The following PCDHGB7 variants were observed in gnomAD, a reference collection of about 807,000 sequenced individuals.
The protein encoded by PCDHGB7 is protocadherin gamma-B7.
A neutral mutation model predicts 61.4 loss-of-function variants in PCDHGB7; 37 were observed. The ratio of observed to expected loss-of-function variants is 0.60; its 90% CI spans 0.46 to 0.79. PCDHGB7 has a LOEUF of 0.79. Ranked by LOEUF, PCDHGB7 falls within the 30% of genes least tolerant of loss-of-function variation. The probability of loss-of-function intolerance (pLI) is 0.00; values close to 1 mark genes in which losing one functional copy is unlikely to be tolerated. For synonymous variants in PCDHGB7, 464 were observed against 503.5 expected (o/e 0.92, Z 1.05); for missense variants, 1,166 against 1,202.5 (o/e 0.97, Z 0.45).
rs1312195504 is a variant in PCDHGB7 at position 141,429,392 on chromosome 5, A to ATTTTT, written c.2415+9118_2415+9119insTTTTT. On this transcript the variant is annotated intron_variant, in intron 1 of 3. Transcript: ENST00000398594. Reference sequence around the variant, plus strand: ...GAGAAAATGTGTTTTTTTTTTAAAAAAAATTGAGATTAAGGTCTCATTATG... The same window carrying ATTTTT: ...GAGAAAATGTGTTTTTTTTTTAAAAATTTTTAAATTGAGATTAAGGTCTCATTATG... Among the ~76,000 whole-genome samples, 131 of 152,104 alleles carry ATTTTT rather than the reference A, an allele frequency of 8.6e-4. 1 individual carries two copies. Among genetic ancestry groups the ATTTTT allele is most frequent in the Non-Finnish European group, 1.5e-3 (100 of 67,974 alleles).
Position 141,491,737 on chromosome 5 carries a change from G to C in PCDHGB7, c.2416-3070G>C, listed in dbSNP as rs548808722. 1.2e-6 allele frequency: 2 copies of C among 1,600,586 alleles called. No homozygotes were observed. The highest frequency in any genetic ancestry group is 2.7e-5 in the African/African-American group (2 of 74,486). On this transcript the variant is annotated intron_variant, in intron 1 of 3. Transcript: ENST00000398594. The surrounding 1 kb of genome is among the most constrained non-coding windows in gnomAD (Gnocchi z 6.9). ...GGCGCCGCCCCGGGCGACCCCTGGG[G>C]GCGGCACTGGAGAAGCCGCCCGTCC...
chr5:141,453,423 C>T (rs931962019), intron 1 of PCDHGB7, among the ~76,000 whole-genome samples: 2 of 152,120 alleles, frequency 1.3e-5, no homozygotes, highest in African/African-American at 4.8e-5. Context: ...TAAGCCACCA[C>T]ACCTAGCCTA....
intron 1 of PCDHGB7, among the ~76,000 whole-genome samples, chr5:141,435,790 A>G (rs1336963117): frequency 2.0e-5 from 3 of 152,168 alleles, no homozygotes; most frequent in African/African-American, 7.2e-5. Flanking sequence ...GCAGGGAAAC[A>G]TAACGTCCCA....
Position 141,421,262 on chromosome 5 carries a change from G to GGCTGCT in PCDHGB7, c.2415+999_2415+1004dup, listed in dbSNP as rs748368476. 11 of 1,609,598 alleles carry GGCTGCT rather than the reference G, an allele frequency of 6.8e-6. No individual in the cohort carries two copies. The Admixed American group carries it at 8.4e-5, about 12-fold the overall frequency. ...CGGCTACAGCGCGGGGACCGCAGTC[G>GGCTGCT]GCTGCTGCTGCTGCTGTGCATTTTC... is the stretch of plus-strand genomic sequence containing the variant. On this transcript the variant is annotated intron_variant, in intron 1 of 3. Coordinates refer to ENST00000398594, the MANE Select transcript of PCDHGB7 (RefSeq NM_018927.4).
At chr5:141,508,824 G>T (rs893436748) in intron 3 of PCDHGB7, among the ~76,000 whole-genome samples, 1 of 151,952 alleles carries the variant, frequency 6.6e-6, no homozygotes, top group Non-Finnish European at 1.5e-5. Context: ...CCAGATCTGG[G>T]CCCCCCTCCC....
Position 141,490,348 on chromosome 5 carries a change from G to T in PCDHGB7, c.2416-4459G>T, listed in dbSNP as rs2099698964. On this transcript the variant is annotated intron_variant, in intron 1 of 3. Transcript: ENST00000398594. The surrounding 1 kb of genome is among the most constrained non-coding windows in gnomAD (Gnocchi z 5.4). ...GAGCACACCAGTGGGCACAGTAGTG[G>T]GGTTGTTTAATGTGCGAGACCGGGA... The T allele has an allele frequency of 1.2e-6, 2 of 1,614,080 alleles. No homozygotes were observed. The highest frequency in any genetic ancestry group is 3.3e-5 in the Admixed American group (2 of 60,018).
In PCDHGB7 at chr5:141,418,599, A is replaced by C; in HGVS notation, c.740A>C (p.Tyr247Ser). 1.2e-6 allele frequency: 2 copies of C among 1,614,054 alleles called. No individual in the cohort carries two copies. The change falls in exon 1 of 4, where the codon TAC (tyrosine) becomes TCC (serine). Residue 247 changes from tyrosine to serine, a missense_variant. Tyr to Ser is a moderately radical substitution (Grantham distance 144, BLOSUM62 -2). Coordinates refer to ENST00000398594, the MANE Select transcript of PCDHGB7 (RefSeq NM_018927.4). ...DNPPVFSQDV[Y>S]RVSLREDVPP... ...CCCCCAGTGTTCAGCCAGGACGTGT[A>C]CAGGGTTAGCCTTCGGGAAGACGTG...
At position 141,491,679 on chromosome 5, in the gene PCDHGB7, T is replaced by C. The variant is rs111288145; in HGVS notation, c.2416-3128T>C. On this transcript the variant is annotated intron_variant, in intron 1 of 3. Coordinates refer to ENST00000398594, the MANE Select transcript of PCDHGB7 (RefSeq NM_018927.4). This position sits in a 1 kb window ranked among gnomAD's most constrained non-coding sequence, Gnocchi z 6.9. ...CTGACGCCATCCGGTCCCGCTCTAA[T>C]ACGCTGCGGGAGCGGAGCCAGGTGA... is the stretch of plus-strand genomic sequence containing the variant. 21 of 1,613,378 alleles carry C rather than the reference T, an allele frequency of 1.3e-5. No homozygotes were observed. Among genetic ancestry groups the C allele is most frequent in the Middle Eastern group, 1.6e-4 (1 of 6,078 alleles).
intron 1 of PCDHGB7, among the ~76,000 whole-genome samples, chr5:141,458,351 T>A (rs903399511): frequency 2.0e-5 from 3 of 152,010 alleles, no homozygotes; most frequent in African/African-American, 7.3e-5. Flanking sequence ...GAGAGTTTAA[T>A]AAGCAAGAAG....
chr5:141,459,311 T>A (rs1298312167), intron 1 of PCDHGB7, among the ~76,000 whole-genome samples: 1 of 152,250 alleles, frequency 6.6e-6, no homozygotes, highest in Non-Finnish European at 1.5e-5. Flanking sequence ...TATACTATTT[T>A]GTATCCATCT....
At chr5:141,422,005 A>T in intron 1 of PCDHGB7, 1 of 1,609,814 alleles carries the variant, frequency 6.2e-7, no homozygotes, top group East Asian at 2.2e-5. Flanking sequence ...CAGCTCCGGA[A>T]CTCGGGTGCT....
At chr5:141,466,929 T>C (rs2099132302) in intron 1 of PCDHGB7, among the ~76,000 whole-genome samples, 1 of 152,232 alleles carries the variant, frequency 6.6e-6, no homozygotes, top group African/African-American at 2.4e-5. Context: ...TTAGGAATAT[T>C]AGTCCTTTGT....
At chr5:141,443,759 A>G (rs1055796439) in intron 1 of PCDHGB7, among the ~76,000 whole-genome samples, 2 of 152,228 alleles carry the variant, frequency 1.3e-5, no homozygotes, top group African/African-American at 2.4e-5. Flanking sequence ...GAAGCTTACA[A>G]TATACAATAT....
chr5:141,430,984 C>G (rs765063685), intron 1 of PCDHGB7: 2 of 1,613,530 alleles, frequency 1.2e-6, no homozygotes, highest in Non-Finnish European at 1.7e-6. Flanking sequence ...CGCAGCTTTT[C>G]GCCCTGAATC....
In PCDHGB7 at chr5:141,431,508, G is replaced by A. The variant is rs774545870; in HGVS notation, c.2415+11234G>A. ...TTTGCTCAGCCCGAGTACCGCGCGA[G>A]CGTTCCGGAGAATCTGGCCTTGGGC... On this transcript the variant is annotated intron_variant, in intron 1 of 3. Coordinates refer to ENST00000398594, the MANE Select transcript of PCDHGB7 (RefSeq NM_018927.4). The surrounding 1 kb of genome is among the most constrained non-coding windows in gnomAD (Gnocchi z 4.8). 12 of 1,613,914 alleles carry A rather than the reference G, an allele frequency of 7.4e-6. No individual in the cohort carries two copies. Among genetic ancestry groups the A allele is most frequent in the East Asian group, 2.2e-5 (1 of 44,904 alleles).
At chr5:141,507,807 A>AACGG (rs1465406594) in intron 3 of PCDHGB7, among the ~76,000 whole-genome samples, 2 of 152,152 alleles carry the variant, frequency 1.3e-5, no homozygotes, top group East Asian at 3.9e-4. Flanking sequence ...CGCCCTGGGG[A>AACGG]ACGGACCCTG....
At position 141,436,830 on chromosome 5, in the gene PCDHGB7, T is replaced by C. The variant is rs1054296892; in HGVS notation, c.2415+16556T>C. On this transcript the variant is annotated intron_variant, in intron 1 of 3. Coordinates refer to ENST00000398594, the MANE Select transcript of PCDHGB7 (RefSeq NM_018927.4). ...TGACAGCTGGTTTAAAAATCTTAAGTGCCTAGGCACATTCTTGATTGAGAA... is the reference window on the plus strand; with the variant it reads ...TGACAGCTGGTTTAAAAATCTTAAGCGCCTAGGCACATTCTTGATTGAGAA... Among the ~76,000 whole-genome samples, 37 of 152,252 alleles carry C rather than the reference T, an allele frequency of 2.4e-4. 1 individual carries two copies.
chr5:141,428,331 G>A, intron 1 of PCDHGB7: 2 of 625,576 alleles, frequency 3.2e-6, no homozygotes, highest in East Asian at 2.9e-5. Context: ...TGATTTCTAT[G>A]CTCTTCTTCC....
chr5:141,453,669 G>T (rs1390396079), intron 1 of PCDHGB7, among the ~76,000 whole-genome samples: 1 of 152,034 alleles, frequency 6.6e-6, no homozygotes, highest in Non-Finnish European at 1.5e-5. Context: ...TTACACAAAA[G>T]GTAACACACT....
Sources: allele counts gnomAD v4.1 joint callset (sites outside exome capture counted in the v4.1 genomes callset), GRCh38; gene constraint gnomAD v4.1.1; non-coding constraint Gnocchi (gnomAD v3.1); transcripts MANE v1.5; gene names NCBI Gene and HGNC (gene_info 2026-07-23, HGNC 2026-07-21).